CAPS2: variants seen among roughly 807,000 people sequenced by gnomAD.
CAPS2 encodes the protein calcyphosine 2.
In CAPS2, 98 loss-of-function variants were observed where a neutral mutation model predicts 86.5. The ratio of observed to expected loss-of-function variants is 1.13; its 90% CI spans 0.96 to 1.34. The LOEUF is 1.34. Among genes scored for constraint, CAPS2 ranks in the 40% most tolerant of loss-of-function variants. The pLI is 0.00. For synonymous variants in CAPS2, 210 were observed against 225.1 expected (o/e 0.93, Z 0.60); for missense variants, 729 against 686.8 (o/e 1.06, Z -0.69).
chr12:75,292,672 TATA>T (rs2036190790), intron 12 of CAPS2, among the ~76,000 whole-genome samples: 1 of 147,310 alleles, frequency 6.8e-6, no homozygotes, highest in Non-Finnish European at 1.5e-5. Flanking sequence ...TATAATGTAA[TATA>T]ATCTATAATA....
upstream of CAPS2, among the ~76,000 whole-genome samples, chr12:75,332,128 T>A (rs940448260): frequency 6.6e-6 from 1 of 152,196 alleles, no homozygotes; most frequent in Non-Finnish European, 1.5e-5. Flanking sequence ...TAATCTTGGA[T>A]TATGTTTGAC....
At position 75,343,826 on chromosome 12, in the gene CAPS2, G is replaced by C. The variant is rs759658957; in HGVS notation, c.-394-20604C>G. 8.7e-6 allele frequency: 14 copies of C among 1,613,258 alleles called. No homozygotes were observed. The East Asian group carries it at 2.5e-4, about 28-fold the overall frequency. On this transcript the variant is annotated intron_variant, in intron 1 of 5. Coordinates refer to the CAPS2 transcript ENST00000551829. ...TATGTTGGAGAAAATATCTGGTTAG[G>C]TGGAATAAAGTCATTCACACCAAGA...
chr12:75,282,443 A>T, intron 15 of CAPS2, 96 bp from the exon 16 acceptor site: 2 of 791,590 alleles, frequency 2.5e-6, no homozygotes, highest in Non-Finnish European at 4.5e-6. Context: ...CTGGAGTGCA[A>T]TGGCGTGATC....
At chr12:75,305,333 T>G in intron 7 of CAPS2, 1 of 307,846 alleles carries the variant, frequency 3.2e-6, no homozygotes, top group Non-Finnish European at 6.1e-6. Flanking sequence ...GAGGAGATAT[T>G]TGCACTGATT....
chr12:75,316,409 G>C, exon 6 of CAPS2: 1 of 1,550,248 alleles, frequency 6.5e-7, no homozygotes, highest in East Asian at 2.4e-5. Flanking sequence ...AAGGTCATCT[G>C]TGTTGGCTTC....
chr12:75,384,231 T>C (rs1473318597), intron 1 of CAPS2, among the ~76,000 whole-genome samples: 1 of 152,162 alleles, frequency 6.6e-6, no homozygotes, highest in African/African-American at 2.4e-5. Context: ...GCTGGTTTTT[T>C]AAGGCATAAA....
intron 1 of CAPS2, among the ~76,000 whole-genome samples, chr12:75,378,143 A>G (rs1233426766): frequency 6.6e-6 from 1 of 151,858 alleles, no homozygotes; most frequent in East Asian, 1.9e-4. Flanking sequence ...GACCACTGGC[A>G]CGTGCCACCA....
intron 8 of CAPS2, among the ~76,000 whole-genome samples, chr12:75,300,555 CAAAAAAAAAAAAA>C (rs60853698): frequency 2.0e-4 from 17 of 83,020 alleles, no homozygotes; most frequent in Admixed American, 2.7e-4. Context: ...GACTCCGTCT[CAAAAAAAAAAAAA>C]AAAAAAAAAA....
Position 75,300,381 on chromosome 12 carries a change from C to T in CAPS2, c.780-470G>A, listed in dbSNP as rs571594783. ...ACCATCTGGCTAACACGGTGAAACC[C>T]CATCTCTACTAAAAATTACAAAAAA... On this transcript the variant is annotated intron_variant, in intron 8 of 16. Transcript: ENST00000393284. 5.9e-4 allele frequency among the ~76,000 whole-genome samples: 90 copies of T among 151,788 alleles called. No individual in the cohort carries two copies. In the East Asian group the frequency reaches 0.012, roughly 21 times the overall value.
At chr12:75,285,049 T>C (rs573501373) in exon 15 of CAPS2, 1 of 1,611,660 alleles carries the variant, frequency 6.2e-7, no homozygotes, top group South Asian at 1.1e-5. Flanking sequence ...ATTGCCATTG[T>C]CATTCAGAAT....
chr12:75,377,809 A>G (rs1025471773), intron 1 of CAPS2, among the ~76,000 whole-genome samples: 3 of 150,778 alleles, frequency 2.0e-5, no homozygotes, highest in Non-Finnish European at 4.4e-5. Context: ...CTCCAATCCA[A>G]TCAAGTTGAT....
intron 1 of CAPS2, chr12:75,347,677 T>C (rs2042545082): frequency 6.2e-7 from 1 of 1,607,016 alleles, no homozygotes; most frequent in Non-Finnish European, 8.5e-7. Flanking sequence ...TGTCCTAACC[T>C]TGGGGGAGCT....
exon 5 of CAPS2, chr12:75,321,559 A>G: frequency 6.5e-7 from 1 of 1,546,652 alleles, no homozygotes; most frequent in South Asian, 1.2e-5. Flanking sequence ...GCAAATTTTC[A>G]GGTATTATGT....
chr12:75,359,393 A>C (rs1165369572), intron 1 of CAPS2, among the ~76,000 whole-genome samples: 1 of 68,134 alleles, frequency 1.5e-5, no homozygotes. Flanking sequence ...TTTTTGCTGA[A>C]TTGATCTATG....
chr12:75,347,575 A>G (rs767743987), intron 1 of CAPS2: 3 of 1,210,768 alleles, frequency 2.5e-6, no homozygotes, highest in Non-Finnish European at 1.2e-6. Context: ...CATTGTTTGC[A>G]TAGAATTGTT....
chr12:75,306,282 G>C, intron 7 of CAPS2: 1 of 611,280 alleles, frequency 1.6e-6, no homozygotes. Flanking sequence ...CGGATACTGG[G>C]AAGCTATGGA....
At chr12:75,323,002 G>A (rs1300087114) in exon 4 of CAPS2, 1 of 1,545,132 alleles carries the variant, frequency 6.5e-7, no homozygotes. Flanking sequence ...CTGAGTATAT[G>A]GAGTTTGACA....
chr12:75,384,740 T>C (rs2045194668), intron 1 of CAPS2, among the ~76,000 whole-genome samples: 1 of 152,160 alleles, frequency 6.6e-6, no homozygotes, highest in Non-Finnish European at 1.5e-5. Flanking sequence ...TGAACATAGA[T>C]GCAAAATTCC....
chr12:75,276,020 A>C, downstream of CAPS2: 1 of 485,978 alleles, frequency 2.1e-6, no homozygotes, highest in Non-Finnish European at 3.5e-6. Context: ...ACATCCAAGA[A>C]ATCAGTTTAC....
Sources: allele counts gnomAD v4.1 joint callset (sites outside exome capture counted in the v4.1 genomes callset), GRCh38; gene constraint gnomAD v4.1.1; transcripts MANE v1.5; gene names NCBI Gene and HGNC (gene_info 2026-07-23, HGNC 2026-07-21).